The following ARHGEF3 variants were observed in gnomAD, a reference collection of about 807,000 sequenced individuals.
The protein encoded by ARHGEF3 is Rho guanine nucleotide exchange factor 3, also known as 59.8 kDA protein.
Under a neutral mutation model 63.2 loss-of-function variants are expected in ARHGEF3, and 28 were observed. The observed-to-expected ratio is 0.44, with a 90% CI of 0.33 to 0.61. ARHGEF3 has a LOEUF of 0.61. Among genes scored for constraint, ARHGEF3 ranks in the 20% least tolerant of loss-of-function variants. ARHGEF3 has a pLI of 0.03. For missense variants in ARHGEF3, 533 were observed against 659.3 expected (o/e 0.81, Z 2.10); for synonymous variants, 266 against 254.2 (o/e 1.05, Z -0.44).
chr3:56,781,574 C>A (rs1449764977), intron 1 of ARHGEF3, among the ~76,000 whole-genome samples: 1 of 152,138 alleles, frequency 6.6e-6, no homozygotes, highest in Non-Finnish European at 1.5e-5. Context: ...TCAGACTTAG[C>A]CTCCAGAATA....
At chr3:56,985,772 C>CATGCACACCTGGGAT (rs140689747) in intron 2 of ARHGEF3, among the ~76,000 whole-genome samples, 6 of 152,034 alleles carry the variant, frequency 3.9e-5, no homozygotes, top group African/African-American at 1.4e-4. Flanking sequence ...CCAGAATGAA[C>CATGCACACCTGGGAT]AAGCAGGTGA....
intron 6 of ARHGEF3, among the ~76,000 whole-genome samples, chr3:56,750,820 C>T (rs3732509): frequency 6.6e-6 from 1 of 151,306 alleles, no homozygotes; most frequent in Non-Finnish European, 1.5e-5. Context: ...TTATTTTGTT[C>T]CAAAAGGCCC....
chr3:56,764,775 G>A (rs1341367708), intron 2 of ARHGEF3, among the ~76,000 whole-genome samples: 3 of 81,740 alleles, frequency 3.7e-5, no homozygotes, highest in Non-Finnish European at 8.3e-5. Context: ...TTTTTTTTTT[G>A]AGACAGAGTT....
At chr3:56,965,680 G>T (rs897915975) in intron 2 of ARHGEF3, among the ~76,000 whole-genome samples, 1 of 134,456 alleles carries the variant, frequency 7.4e-6, no homozygotes, top group Non-Finnish European at 1.5e-5. Flanking sequence ...ACGGAGTCTC[G>T]CTCTGTCGCC....
At chr3:56,989,388 T>A (rs1209366084) in intron 2 of ARHGEF3, among the ~76,000 whole-genome samples, 1 of 152,156 alleles carries the variant, frequency 6.6e-6, no homozygotes, top group Non-Finnish European at 1.5e-5. Context: ...AGCAATCAAG[T>A]GTCCACAGGT....
chr3:56,751,530 G>A, intron 4 of ARHGEF3, 134 bp from the exon 5 acceptor site: 1 of 688,210 alleles, frequency 1.5e-6, no homozygotes, highest in Non-Finnish European at 2.5e-6. Flanking sequence ...CCATAAAGCT[G>A]CAGAAACAGC....
At chr3:57,047,301 T>C (rs998282296) in intron 1 of ARHGEF3, among the ~76,000 whole-genome samples, 5 of 152,088 alleles carry the variant, frequency 3.3e-5, no homozygotes, top group African/African-American at 4.8e-5. Flanking sequence ...GAGCCGAGAT[T>C]TTGCCACTGC....
In ARHGEF3 at chr3:56,917,539, C is replaced by T. The variant is rs1018332247; in HGVS notation, c.130-35185G>A. Among the ~76,000 whole-genome samples the T allele has an allele frequency of 3.3e-5, 5 of 152,262 alleles. No homozygotes were observed. In the South Asian group the frequency reaches 8.3e-4, roughly 25 times the overall value. ...TAACAGAAGGAGATTAAATCCAAGA[C>T]TTTTATGAGAAAGCAGGCTCTTTCC... On this transcript the variant is annotated intron_variant, in intron 3 of 12. Transcript: ENST00000338458.
rs191092762 is a variant in ARHGEF3 at position 56,813,202 on chromosome 3, G to C, written c.193-39386C>G. On this transcript the variant is annotated intron_variant, in intron 4 of 12. Coordinates refer to the ARHGEF3 transcript ENST00000338458. The stretch of plus-strand genomic sequence containing the variant: ...GCCAGATGCCTGAAACATTGGTTTA[G>C]TGCATCCAAAACACACAACAGATAG... 1.8e-3 allele frequency among the ~76,000 whole-genome samples: 269 copies of C among 152,318 alleles called. 1 individual carries two copies. Among genetic ancestry groups the C allele is most frequent in the African/African-American group, 5.9e-3 (244 of 41,578 alleles).
intron 1 of ARHGEF3, among the ~76,000 whole-genome samples, chr3:57,058,369 T>C (rs1229680288): frequency 6.6e-6 from 1 of 152,218 alleles, no homozygotes; most frequent in Admixed American, 6.5e-5. Context: ...ACTGTGATGC[T>C]CTCGGCGTCC....
chr3:57,064,497 AT>A (rs1305232165), intron 1 of ARHGEF3, among the ~76,000 whole-genome samples: 2 of 151,960 alleles, frequency 1.3e-5, no homozygotes, highest in Admixed American at 1.3e-4. Context: ...AAATTGCTGT[AT>A]TTTTTGTAGA....
chr3:56,921,054 CAAAAAA>C (rs34087284), intron 3 of ARHGEF3, among the ~76,000 whole-genome samples: 2 of 60,710 alleles, frequency 3.3e-5, no homozygotes, highest in African/African-American at 6.3e-5. Context: ...GACTCCATCT[CAAAAAA>C]AAAAAAAAAA....
At chr3:56,914,845 G>A (rs531325457) in intron 3 of ARHGEF3, among the ~76,000 whole-genome samples, 1 of 152,250 alleles carries the variant, frequency 6.6e-6, no homozygotes, top group African/African-American at 2.4e-5. Context: ...GGATGGGGGA[G>A]GGAAGAATGG....
chr3:56,889,721 C>T (rs754186480), intron 3 of ARHGEF3, among the ~76,000 whole-genome samples: 17 of 152,134 alleles, frequency 1.1e-4, no homozygotes, highest in East Asian at 1.9e-4. Flanking sequence ...AAACAATCTG[C>T]GTTTCCTTTA....
intron 2 of ARHGEF3, among the ~76,000 whole-genome samples, chr3:56,983,937 GAA>G (rs11401240): frequency 8.9e-6 from 1 of 112,522 alleles, no homozygotes. Context: ...TCCGTCTCGA[GAA>G]AAAAAAAAAA....
chr3:56,899,235 G>A (rs1324237668), intron 3 of ARHGEF3, among the ~76,000 whole-genome samples: 1 of 152,210 alleles, frequency 6.6e-6, no homozygotes, highest in Non-Finnish European at 1.5e-5. Flanking sequence ...ATGTGGACAG[G>A]AGGCCCTGCA....
chr3:57,074,156 GC>G (rs751261140), intron 1 of ARHGEF3: 2 of 1,614,034 alleles, frequency 1.2e-6, no homozygotes, highest in East Asian at 4.5e-5. Context: ...TAGATGCCGA[GC>G]CCAGTAGCAC....
chr3:56,887,784 G>A (rs770661487), intron 3 of ARHGEF3, among the ~76,000 whole-genome samples: 25 of 152,216 alleles, frequency 1.6e-4, no homozygotes, highest in Non-Finnish European at 3.4e-4. Context: ...AGCACCTTCG[G>A]TGAGCCCAAT....
At chr3:56,956,667 G>A (rs1024364789) in intron 3 of ARHGEF3, among the ~76,000 whole-genome samples, 7 of 152,190 alleles carry the variant, frequency 4.6e-5, no homozygotes, top group Non-Finnish European at 1.0e-4. Context: ...ACCCAGGACA[G>A]TCCCTGGGCA....
Sources: gnomAD v4.1 joint callset for allele counts (sites outside exome capture counted in the v4.1 genomes callset) on GRCh38, gnomAD v4.1.1 for gene constraint, MANE v1.5 for transcripts, NCBI Gene and HGNC (gene_info 2026-07-23, HGNC 2026-07-21) for gene names.